Variants in SYTL4 observed in about 807,000 individuals in gnomAD.
SYTL4 encodes the protein synaptotagmin like 4, also known as synaptotagmin-like protein 4.
SYTL4 carries 16 observed loss-of-function variants against 52.7 expected under a neutral mutation model. That is an observed-to-expected ratio of 0.30 (90% CI 0.21 to 0.46). SYTL4 has a LOEUF of 0.46. Among genes scored for constraint, SYTL4 ranks in the 20% least tolerant of loss-of-function variants. SYTL4 has a pLI of 1.00. For synonymous variants in SYTL4, 160 were observed against 186.6 expected (o/e 0.86, Z 1.16); for missense variants, 423 against 519.9 (o/e 0.81, Z 1.81).
At chrX:100,719,433 T>G (rs1478713670) in intron 2 of SYTL4, among the ~76,000 whole-genome samples, 1 of 111,239 alleles carries the variant, frequency 9.0e-6, no homozygotes, top group Non-Finnish European at 1.9e-5. Flanking sequence ...TGGTGATTTT[T>G]GGAAAAGGGA....
intron 16 of SYTL4, among the ~76,000 whole-genome samples, chrX:100,684,382 AC>A (rs1334575089): frequency 2.7e-5 from 3 of 112,246 alleles, no homozygotes; most frequent in African/African-American, 3.2e-5. Flanking sequence ...TCTGACAGTT[AC>A]ATTCACAAAA....
At chrX:100,712,320 T>A (rs776881093) in intron 2 of SYTL4, among the ~76,000 whole-genome samples, 1 of 112,402 alleles carries the variant, frequency 8.9e-6, no homozygotes, top group Non-Finnish European at 1.9e-5. Context: ...ATTGTGAGGT[T>A]CAAAACATAT....
chrX:100,678,687 C>T, intron 18 of SYTL4, 88 bp from the exon 19 acceptor site: 1 of 803,386 alleles, frequency 1.2e-6, no homozygotes, highest in Non-Finnish European at 1.9e-6. Context: ...CAGGCCTAGC[C>T]CAAGAAGATG....
chrX:100,718,277 T>G (rs1413623189), intron 2 of SYTL4, among the ~76,000 whole-genome samples: 1 of 111,907 alleles, frequency 8.9e-6, no homozygotes. Flanking sequence ...CGTACCTCTC[T>G]GCATGGAGGG....
chrX:100,691,234 A>G, intron 8 of SYTL4, 25 bp from the exon 9 acceptor site: 4 of 1,124,944 alleles, frequency 3.6e-6, no homozygotes, highest in Non-Finnish European at 4.9e-6. Context: ...AAGAGCCAAT[A>G]TTGAAAGGAA....
In SYTL4 at chrX:100,700,894, T is replaced by C. The variant is rs1290182440; in HGVS notation, c.539+3A>G. 2.5e-6 allele frequency: 3 copies of C among 1,194,121 alleles called. No individual in the cohort carries two copies. Among genetic ancestry groups the C allele is most frequent in the Non-Finnish European group, 3.4e-6 (3 of 880,213 alleles). Reference sequence around the variant, plus strand: ...TTTCTTTAAACAATTACTTGATTCTTACCTGGGCTCCTTCTGCCGCTCCTG... The same window carrying C: ...TTTCTTTAAACAATTACTTGATTCTCACCTGGGCTCCTTCTGCCGCTCCTG... On this transcript the variant is annotated splice_donor_region_variant and intron_variant, in intron 8 of 19. Transcript: ENST00000372989.
intron 2 of SYTL4, among the ~76,000 whole-genome samples, chrX:100,729,501 T>C (rs2084594704): frequency 9.0e-6 from 1 of 111,194 alleles, no homozygotes; most frequent in South Asian, 3.9e-4. Context: ...AGCTGTGGTA[T>C]TTCAAGTGCC....
intron 19 of SYTL4, 35 bp from the exon 20 acceptor site, chrX:100,676,211 C>A: frequency 8.3e-7 from 1 of 1,205,590 alleles, no homozygotes; most frequent in Non-Finnish European, 1.1e-6. Context: ...TAAAGAGGGG[C>A]CCCACTCTCA....
At chrX:100,723,713 A>G (rs2084401160) in intron 2 of SYTL4, among the ~76,000 whole-genome samples, 1 of 107,503 alleles carries the variant, frequency 9.3e-6, no homozygotes, top group African/African-American at 3.4e-5. Flanking sequence ...CTGGGATGTG[A>G]GGAGCGTCTC....
At chrX:100,723,654 G>C (rs1045338823) in intron 2 of SYTL4, among the ~76,000 whole-genome samples, 3 of 110,088 alleles carry the variant, frequency 2.7e-5, no homozygotes, top group Non-Finnish European at 3.8e-5. Flanking sequence ...TCTCTGCCCG[G>C]CCGCCCATCG....
Position 100,686,109 on chromosome X carries a change from A to C in SYTL4, c.1330T>G (p.Phe444Val), listed in dbSNP as rs779000265. ...ESLLAQRTLQ[F>V]SVWHHGRFGR... Reference sequence around the variant, plus strand: ...AAACGACCATGATGCCAAACTGAGAACTGCAGGGTCCTCTGGGCCAGGAGA... The same window carrying C: ...AAACGACCATGATGCCAAACTGAGACCTGCAGGGTCCTCTGGGCCAGGAGA... Residue 444 changes from phenylalanine (F) to valine (V), a missense_variant, in exon 16 of 20, where the codon TTC becomes GTC. Physicochemically the swap from Phe to Val is conservative, Grantham distance 50. Transcript: ENST00000372989. The C allele has an allele frequency of 3.3e-6, 4 of 1,210,453 alleles. No individual in the cohort carries two copies. In the Admixed American group the frequency reaches 6.5e-5, roughly 20 times the overall value.
chrX:100,685,751 C>T (rs2083461088), intron 16 of SYTL4: 1 of 322,806 alleles, frequency 3.1e-6, no homozygotes, highest in African/African-American at 2.6e-5. Flanking sequence ...AAGTTTGGTA[C>T]ACATATGAAA....
At position 100,691,114 on chromosome X, in the gene SYTL4, G is replaced by A. The variant is rs760363498; in HGVS notation, c.635C>T (p.Thr212Ile). 4.3e-5 allele frequency: 52 copies of A among 1,198,425 alleles called. No individual in the cohort carries two copies. The highest frequency in any genetic ancestry group is 5.6e-5 in the Non-Finnish European group (50 of 886,845). ...LDSFTADSDS[T>I]SRRDSLDKSG... ...GAAATGGGGGGAACCCCACCTGGAG[G>A]TGCTATCCGAGTCAGCTGTGAAGCT... The change falls in exon 9 of 20, where the codon ACC (threonine) becomes ATC (isoleucine). Residue 212 changes from threonine (T) to isoleucine (I), a missense_variant. By Grantham distance (89) the Thr-to-Ile change is moderately conservative (BLOSUM62 -1). Transcript: ENST00000372989.
At chrX:100,688,074 C>G (rs1484060256) in intron 13 of SYTL4, 1 of 261,869 alleles carries the variant, frequency 3.8e-6, no homozygotes, top group African/African-American at 2.8e-5. Context: ...CCTGGGTACC[C>G]CTTTAGAGGA....
chrX:100,729,961 C>T (rs932251206), intron 2 of SYTL4, among the ~76,000 whole-genome samples: 5 of 110,963 alleles, frequency 4.5e-5, no homozygotes, highest in Admixed American at 9.6e-5. Context: ...TCTTCCTATC[C>T]TTGTCTATGG....
chrX:100,689,639 C>CAAAAAAAAAAAAAAAAAAAAAAAAAA (rs58418223), intron 12 of SYTL4, among the ~76,000 whole-genome samples: 1 of 39,658 alleles, frequency 2.5e-5, no homozygotes. Context: ...AACTCCGTCT[C>CAAAAAAAAAAAAAAAAAAAAAAAAAA]AAAAAAAAAA....
chrX:100,679,398 C>A lies in SYTL4; in HGVS notation c.1573G>T (p.Gly525Trp). 4 of 1,207,711 alleles carry A rather than the reference C, an allele frequency of 3.3e-6. No homozygotes were observed. Among genetic ancestry groups the A allele is most frequent in the African/African-American group, 1.7e-5 (1 of 57,695 alleles). The change falls in exon 18 of 20, where the codon GGG becomes TGG. Residue 525 changes from glycine to tryptophan, a missense_variant. Transcript: ENST00000372989. ...GDRKKSKGGEGGELQVWIKEA... is the reference protein window; with the variant it reads ...GDRKKSKGGEWGELQVWIKEA... ...TTGATCCACACCTGGAGCTCTCCCCCTTCCCCACCTTTACCTGTAAGGGAT... is the reference window on the plus strand; with the variant it reads ...TTGATCCACACCTGGAGCTCTCCCCATTCCCCACCTTTACCTGTAAGGGAT...
chrX:100,684,015 A>C (rs772369250), intron 16 of SYTL4, among the ~76,000 whole-genome samples: 14 of 112,122 alleles, frequency 1.2e-4, no homozygotes, highest in Admixed American at 2.8e-4. Context: ...TGGTTAAAAA[A>C]TTCTAAATTT....
intron 2 of SYTL4, among the ~76,000 whole-genome samples, chrX:100,724,851 C>T (rs1317640146): frequency 1.9e-5 from 1 of 51,493 alleles, no homozygotes; most frequent in African/African-American, 7.6e-5. Context: ...CTGCGAGAAA[C>T]ACCCAAGAAT....
Sources: allele counts gnomAD v4.1 joint callset (sites outside exome capture counted in the v4.1 genomes callset), GRCh38; gene constraint gnomAD v4.1.1; transcripts MANE v1.5; gene names NCBI Gene and HGNC (gene_info 2026-07-23, HGNC 2026-07-21).